Variants in MTUS2 observed in about 807,000 individuals in gnomAD.
The protein encoded by MTUS2 is microtubule-associated tumor suppressor candidate 2.
In MTUS2, 40 loss-of-function variants were observed where a neutral mutation model predicts 114.1. That is an observed-to-expected ratio of 0.35 (90% CI 0.27 to 0.46). MTUS2 has a LOEUF of 0.46. Ranked by LOEUF, MTUS2 falls within the 20% of genes least tolerant of loss-of-function variation. The pLI, the probability that MTUS2 is intolerant of heterozygous loss-of-function variation, is 1.00. For synonymous variants in MTUS2, 688 were observed against 672.0 expected (o/e 1.02, Z -0.37); for missense variants, 1,679 against 1,705.4 (o/e 0.98, Z 0.27).
chr13:29,475,655 TA>T, intron 9 of MTUS2, among the ~76,000 whole-genome samples: 1 of 151,916 alleles, frequency 6.6e-6, no homozygotes, highest in Non-Finnish European at 1.5e-5. Context: ...GCTTAAAAAG[TA>T]AAAAAGTAAA....
intron 8 of MTUS2, among the ~76,000 whole-genome samples, chr13:29,439,704 GA>G (rs1475016130): frequency 6.6e-6 from 1 of 152,096 alleles, no homozygotes; most frequent in African/African-American, 2.4e-5. Flanking sequence ...AATTTGCAAA[GA>G]ATTAATGCAG....
chr13:28,826,849 G>A (rs900458993), intron 1 of MTUS2, among the ~76,000 whole-genome samples: 10 of 152,194 alleles, frequency 6.6e-5, no homozygotes, highest in African/African-American at 2.4e-4. Flanking sequence ...TAATAGGGAA[G>A]TTTATTTTCC....
At chr13:29,249,010 C>G (rs1897028505) in intron 5 of MTUS2, among the ~76,000 whole-genome samples, 1 of 152,100 alleles carries the variant, frequency 6.6e-6, no homozygotes, top group Non-Finnish European at 1.5e-5. Context: ...TTTCTTTCGA[C>G]AGAGTCTCGC....
chr13:29,358,634 T>G (rs1869956100), intron 7 of MTUS2, among the ~76,000 whole-genome samples: 1 of 152,116 alleles, frequency 6.6e-6, no homozygotes, highest in Non-Finnish European at 1.5e-5. Context: ...TGAGAGGGGA[T>G]GGCGGCTCAG....
chr13:29,058,557 A>G (rs1888247832), intron 4 of MTUS2, among the ~76,000 whole-genome samples: 1 of 111,598 alleles, frequency 9.0e-6, no homozygotes, highest in Admixed American at 1.0e-4. Flanking sequence ...TTTCTCAGCC[A>G]GGTTGATGCT....
chr13:29,293,667 A>T (rs1898812923), intron 6 of MTUS2, among the ~76,000 whole-genome samples: 1 of 152,240 alleles, frequency 6.6e-6, no homozygotes, highest in Middle Eastern at 3.4e-3. Context: ...ATGCTAAAAA[A>T]GTTGGAAACA....
intron 8 of MTUS2, among the ~76,000 whole-genome samples, chr13:29,368,533 C>A (rs147711681): frequency 8.5e-5 from 13 of 152,148 alleles, no homozygotes; most frequent in Non-Finnish European, 1.9e-4. Context: ...TTTGAGGTGA[C>A]GAATATCCTA....
chr13:29,151,646 A>C (rs1025898010), intron 5 of MTUS2, among the ~76,000 whole-genome samples: 1 of 152,110 alleles, frequency 6.6e-6, no homozygotes, highest in African/African-American at 2.4e-5. Context: ...GCTTTTATCT[A>C]TTCAGTGTGA....
At chr13:29,071,647 C>T (rs1481132259) in intron 4 of MTUS2, among the ~76,000 whole-genome samples, 1 of 151,630 alleles carries the variant, frequency 6.6e-6, no homozygotes, top group Non-Finnish European at 1.5e-5. Flanking sequence ...AGGCTGGTCT[C>T]GAACTCCTGA....
intron 5 of MTUS2, among the ~76,000 whole-genome samples, chr13:29,176,010 AT>A (rs987685856): frequency 1.1e-4 from 17 of 149,852 alleles, no homozygotes; most frequent in South Asian, 4.2e-4. Flanking sequence ...CATAAAGAGG[AT>A]TTTTTTTTTC....
intron 6 of MTUS2, among the ~76,000 whole-genome samples, chr13:29,313,656 T>C (rs1899866919): frequency 6.6e-6 from 1 of 152,058 alleles, no homozygotes; most frequent in Non-Finnish European, 1.5e-5. Context: ...AAGCAACATA[T>C]CAAGAAAATT....
chr13:29,306,961 G>A, intron 6 of MTUS2: 1 of 546,878 alleles, frequency 1.8e-6, no homozygotes, highest in African/African-American at 1.9e-5. Flanking sequence ...CACTGTCAAG[G>A]CTGAGAACAG....
At chr13:29,041,929 C>T (rs1367918664) in intron 4 of MTUS2, among the ~76,000 whole-genome samples, 6 of 152,112 alleles carry the variant, frequency 3.9e-5, no homozygotes, top group South Asian at 2.1e-4. Context: ...AGTTTGACTT[C>T]GTCTTTACTG....
chr13:29,452,996 T>G (rs1771355671), intron 9 of MTUS2, among the ~76,000 whole-genome samples: 1 of 152,196 alleles, frequency 6.6e-6, no homozygotes, highest in South Asian at 2.1e-4. Context: ...GCAAGGGAGA[T>G]AATACCACCA....
At chr13:29,302,824 G>T (rs1336713514) in intron 6 of MTUS2, among the ~76,000 whole-genome samples, 3 of 152,236 alleles carry the variant, frequency 2.0e-5, no homozygotes, top group Non-Finnish European at 4.4e-5. Flanking sequence ...TCTTTGGGTG[G>T]ATCCCTGATA....
chr13:29,158,635 C>T (rs1399753660), intron 5 of MTUS2, among the ~76,000 whole-genome samples: 1 of 152,092 alleles, frequency 6.6e-6, no homozygotes, highest in Non-Finnish European at 1.5e-5. Flanking sequence ...GCAGCAGTTG[C>T]TTCTACCTCT....
chr13:28,977,975 G>T (rs909047349), intron 2 of MTUS2, among the ~76,000 whole-genome samples: 2 of 152,126 alleles, frequency 1.3e-5, no homozygotes, highest in African/African-American at 4.8e-5. Flanking sequence ...CCCTGCAAGA[G>T]ATTTGTAGCC....
chr13:29,121,087 G>GT (rs1309793740), intron 5 of MTUS2, among the ~76,000 whole-genome samples: 2 of 152,062 alleles, frequency 1.3e-5, no homozygotes, highest in East Asian at 1.9e-4. Flanking sequence ...AAAATTCCCC[G>GT]TAAGTCCTTA....
chr13:28,946,272 C>CGTGTGTGT (rs58873985), intron 2 of MTUS2, among the ~76,000 whole-genome samples: 2 of 149,134 alleles, frequency 1.3e-5, no homozygotes, highest in African/African-American at 5.0e-5. Context: ...TTTCTGTCTG[C>CGTGTGTGT]GTGTGTGTGT....
Sources: gnomAD v4.1 joint callset for allele counts (sites outside exome capture counted in the v4.1 genomes callset) on GRCh38, gnomAD v4.1.1 for gene constraint, MANE v1.5 for transcripts, NCBI Gene and HGNC (gene_info 2026-07-23, HGNC 2026-07-21) for gene names.